RAE1: variants seen among roughly 807,000 people sequenced by gnomAD.
RAE1 encodes mRNA export factor RAE1.
A neutral mutation model predicts 52.7 loss-of-function variants in RAE1; 13 were observed. The observed-to-expected ratio is 0.25, with a 90% CI of 0.16 to 0.39. The LOEUF (loss-of-function observed/expected upper bound fraction) is 0.39, where lower values mean the gene tolerates loss of function less well. Among genes scored for constraint, RAE1 ranks in the 10% least tolerant of loss-of-function variants. The probability of loss-of-function intolerance (pLI) is 1.00; values close to 1 mark genes in which losing one functional copy is unlikely to be tolerated. For synonymous variants in RAE1, 164 were observed against 153.1 expected, an observed-to-expected ratio of 1.07 and a Z score of -0.52; for missense variants, 262 against 459.8, an observed-to-expected ratio of 0.57 and a Z score of 3.93.
chr20:57,370,680 C>A (rs377037244), intron 8 of RAE1, among the ~76,000 whole-genome samples: 2 of 152,262 alleles, frequency 1.3e-5, no homozygotes, highest in South Asian at 4.1e-4. Flanking sequence ...TTCTCCCTTG[C>A]TACTGCCACC....
At position 57,378,358 on chromosome 20, in the gene RAE1, C is replaced by A; in HGVS notation, c.*259C>A. The A allele has an allele frequency of 2.4e-6, 1 of 424,514 alleles. No individual in the cohort carries two copies. The allele number at this position is 424,514 out of a possible 1,614,324, so 26.3% of individuals were successfully genotyped here. A position where few individuals can be genotyped will look rare whatever the true frequency, so the allele number is the denominator to read the frequency against. ...GTAGACGTTAGATTGCGGGCACCGC[C>A]AGGGATTTTGCAGCGCTTCAGTGTA... is the stretch of plus-strand genomic sequence containing the variant. On this transcript the variant is annotated 3_prime_UTR_variant, in exon 12 of 12. Transcript: ENST00000395841.
chr20:57,367,206 A>C (rs1464307112), intron 7 of RAE1, 127 bp downstream of exon 7: 1 of 839,128 alleles, frequency 1.2e-6, no homozygotes, highest in East Asian at 2.7e-5. Flanking sequence ...TAATAGATAT[A>C]AAGGATCGAG....
intron 1 of RAE1, chr20:57,351,833 C>T (rs1038296878): frequency 1.0e-6 from 1 of 985,466 alleles, no homozygotes; most frequent in Non-Finnish European, 1.2e-6. Context: ...TTACCAGTCT[C>T]TGAAACTAAG....
At chr20:57,363,935 A>C (rs1433574649) in intron 4 of RAE1, among the ~76,000 whole-genome samples, 1 of 152,232 alleles carries the variant, frequency 6.6e-6, no homozygotes. Context: ...CAGTGCTGTC[A>C]CAAAGTGGTT....
At chr20:57,356,399 A>C (rs770275068) in intron 3 of RAE1, 47 bp from the exon 4 acceptor site, 10 of 1,487,628 alleles carry the variant, frequency 6.7e-6, no homozygotes, top group Admixed American at 1.8e-5. Flanking sequence ...AATGCAAGCA[A>C]TACATCGTAA....
At chr20:57,364,533 T>C (rs976866566) in intron 4 of RAE1, among the ~76,000 whole-genome samples, 6 of 152,194 alleles carry the variant, frequency 3.9e-5, no homozygotes, top group African/African-American at 1.4e-4. Flanking sequence ...TAGAGGAGAA[T>C]GGTGGTCAAT....
chr20:57,361,366 C>G (rs1468113760), intron 4 of RAE1, among the ~76,000 whole-genome samples: 1 of 152,080 alleles, frequency 6.6e-6, no homozygotes, highest in Non-Finnish European at 1.5e-5. Flanking sequence ...AAAATTACAT[C>G]AATCGAGGGG....
intron 1 of RAE1, chr20:57,352,000 C>T: frequency 1.0e-6 from 1 of 982,682 alleles, no homozygotes; most frequent in South Asian, 4.7e-5. Flanking sequence ...AGAATCCAGG[C>T]AAGTGGCTGC....
rs1320385356 is a variant in RAE1, at chr20:57,373,583, T to TA, written c.749+4dup. 1 of 1,613,532 alleles carries TA rather than the reference T, an allele frequency of 6.2e-7. No homozygotes were observed. The highest frequency in any genetic ancestry group is 8.5e-7 in the Non-Finnish European group (1 of 1,179,536). Reference sequence around the variant, plus strand: ...TCACTATATCAACCCCCCGAACCCGTAAGTGTGACTCTGTCAGCTTGCAGA... The same window carrying TA: ...TCACTATATCAACCCCCCGAACCCGTAAAGTGTGACTCTGTCAGCTTGCAGA... On this transcript the variant is annotated splice_region_variant and intron_variant, in intron 9 of 11. Coordinates refer to ENST00000395841, the MANE Select transcript of RAE1 (RefSeq NM_003610.4).
intron 4 of RAE1, chr20:57,358,711 G>T: frequency 3.3e-6 from 1 of 305,272 alleles, no homozygotes; most frequent in Non-Finnish European, 6.0e-6. Flanking sequence ...CTCTATTGTC[G>T]ATATGGACTC....
chr20:57,357,770 C>T (rs374700976), intron 4 of RAE1: 1 of 150,820 alleles, frequency 6.6e-6, no homozygotes, highest in Non-Finnish European at 1.5e-5. Context: ...AACTCTGACT[C>T]TCCTTTTGTT....
chr20:57,367,091 C>G lies in RAE1; in HGVS notation c.534+12C>G. The G allele has an allele frequency of 6.5e-7, 1 of 1,541,660 alleles. No homozygotes were observed. Among genetic ancestry groups the G allele is most frequent in the Non-Finnish European group, 8.9e-7 (1 of 1,125,030 alleles). On this transcript the variant is annotated intron_variant, in intron 7 of 11. Coordinates refer to ENST00000395841, the MANE Select transcript of RAE1 (RefSeq NM_003610.4). Reference sequence around the variant, plus strand: ...ACTGTGCTGACGTGGTAAGGGATTTCAACTTAATATGTATTTACTTTAAAA... The same window carrying G: ...ACTGTGCTGACGTGGTAAGGGATTTGAACTTAATATGTATTTACTTTAAAA...
chr20:57,363,819 A>G (rs2066920223), intron 4 of RAE1, among the ~76,000 whole-genome samples: 2 of 152,268 alleles, frequency 1.3e-5, no homozygotes, highest in Non-Finnish European at 2.9e-5. Flanking sequence ...CAAAACCTAC[A>G]CTTCTGAAAC....
chr20:57,366,720 TTTCTTCCC>T (rs2066959673), intron 5 of RAE1, 79 bp from the exon 6 acceptor site: 2 of 1,276,376 alleles, frequency 1.6e-6, no homozygotes, highest in Admixed American at 3.8e-5. Context: ...TTTAAATTAG[TTTCTTCCC>T]TTTGAATTGC....
At chr20:57,366,326 T>C (rs1458858225) in intron 5 of RAE1, among the ~76,000 whole-genome samples, 1 of 152,190 alleles carries the variant, frequency 6.6e-6, no homozygotes, top group Non-Finnish European at 1.5e-5. Flanking sequence ...CTGGGTAATT[T>C]ATAGAGAAAA....
rs1006466306 is a variant in RAE1, at chr20:57,374,774, A to G, written c.993A>G (p.Ala331=). Residue 331 remains alanine, a synonymous_variant, in exon 11 of 12, where the codon GCA becomes GCG. Coordinates refer to ENST00000395841, the MANE Select transcript of RAE1 (RefSeq NM_003610.4). ...TCAATCACAATGGAAACATATTTGC[A>G]TACGCTTCCAGCTACGACTGGTCAA... ...CCFNHNGNIF[A]YASSYDWSKG... 1 of 1,614,194 alleles carries G rather than the reference A, an allele frequency of 6.2e-7. No individual in the cohort carries two copies. The highest frequency in any genetic ancestry group is 1.1e-5 in the South Asian group (1 of 91,084).
rs781289135 is a variant in RAE1, at chr20:57,366,863, G to A, written c.432G>A (p.Val144=). The change falls in exon 6 of 12, where the codon GTG becomes GTA. Residue 144 remains valine (V), a synonymous_variant. Coordinates refer to ENST00000395841, the MANE Select transcript of RAE1 (RefSeq NM_003610.4). ...HWIKAPNYSC[V]MTGSWDKTLK... is the part of the protein sequence containing the mutation. ...TCAAAGCTCCAAACTACAGCTGTGT[G>A]ATGACTGGGAGCTGGGATAAGACTT... The A allele has an allele frequency of 6.2e-7, 1 of 1,613,658 alleles. No individual in the cohort carries two copies.
chr20:57,371,960 T>C (rs1018360363), intron 8 of RAE1: 2 of 152,178 alleles, frequency 1.3e-5, no homozygotes, highest in East Asian at 1.9e-4. Flanking sequence ...AAATGTGATA[T>C]CCAGCATAGA....
At position 57,374,909 on chromosome 20, in the gene RAE1, C is replaced by A. The variant is rs1250142826; in HGVS notation, c.1020+108C>A. On this transcript the variant is annotated intron_variant, in intron 11 of 11. Coordinates refer to ENST00000395841, the MANE Select transcript of RAE1 (RefSeq NM_003610.4). ...ACTCTTCTCAGGACTCACGTGTGTC[C>A]TTGGGCAGGTCACCGTCCCCTCCCT... is the stretch of plus-strand genomic sequence containing the variant. The A allele has an allele frequency of 3.9e-6, 5 of 1,274,020 alleles. No individual in the cohort carries two copies. The Admixed American group carries it at 7.1e-5, about 18-fold the overall frequency. The allele number at this position is 1,274,020 out of a possible 1,614,324, so 78.9% of individuals were successfully genotyped here.
Sources: gnomAD v4.1 joint callset for allele counts (sites outside exome capture counted in the v4.1 genomes callset) on GRCh38, gnomAD v4.1.1 for gene constraint, MANE v1.5 for transcripts, NCBI Gene and HGNC (gene_info 2026-07-23, HGNC 2026-07-21) for gene names.